Variants in MYH16 observed in about 807,000 individuals in gnomAD.
MYH16 encodes myosin heavy chain 16.
chr7:99,285,043 G>T, intron 26 of MYH16, 108 bp downstream of exon 8: 1 of 436,548 alleles, frequency 2.3e-6, no homozygotes, highest in Non-Finnish European at 4.6e-6. Context: ...GAGCAAGACT[G>T]CCATAGAGTC....
At chr7:99,310,423 C>T (rs1418239002), downstream of MYH16, among the ~76,000 whole-genome samples, 1 of 152,224 alleles carries the variant, frequency 6.6e-6, no homozygotes, top group Non-Finnish European at 1.5e-5. Flanking sequence ...AATAGCAAAA[C>T]CCCTTGTGAC....
At chr7:99,298,040 T>A (rs1399644310) in intron 36 of MYH16, 45 bp downstream of exon 17, 2 of 454,886 alleles carry the variant, frequency 4.4e-6, no homozygotes, top group African/African-American at 4.0e-5. Flanking sequence ...GGAAGTGTGA[T>A]GGAGCAGAGT....
At chr7:99,303,095 C>G (rs1216321676) in exon 39 of MYH16, 2 of 152,834 alleles carry the variant, frequency 1.3e-5, no homozygotes, top group Non-Finnish European at 1.5e-5. Flanking sequence ...CAAACGCAAG[C>G]TGGAGTCAGA....
chr7:99,275,313 G>A (rs954956635), intron 20 of MYH16, among the ~76,000 whole-genome samples: 3 of 152,066 alleles, frequency 2.0e-5, no homozygotes, highest in Admixed American at 6.6e-5. Flanking sequence ...TAAATTTTTT[G>A]TAGAGACAGC....
At chr7:99,280,894 C>T (rs1388092973) in exon 23 of MYH16, 5 of 413,818 alleles carry the variant, frequency 1.2e-5, no homozygotes, top group East Asian at 9.1e-5. Flanking sequence ...TCACAAGGTC[C>T]GTACCCTGAC....
intron 14 of MYH16, among the ~76,000 whole-genome samples, chr7:99,263,916 C>T (rs755284509): frequency 2.6e-5 from 4 of 152,198 alleles, no homozygotes; most frequent in African/African-American, 9.7e-5. Context: ...ACCAGTCTCC[C>T]TGGTCTCACC....
chr7:99,303,272 C>G (rs1356246869), intron 39 of MYH16, 82 bp downstream of exon 20: 1 of 152,442 alleles, frequency 6.6e-6, no homozygotes, highest in Non-Finnish European at 1.5e-5. Context: ...GGAAGGCCAC[C>G]TCCTCCCATC....
exon 1 of MYH16, chr7:99,238,933 C>T (rs1311730552): frequency 1.3e-5 from 2 of 152,796 alleles, no homozygotes; most frequent in African/African-American, 4.8e-5. Flanking sequence ...AGCCCTATGA[C>T]ATTAAGAGGT....
At chr7:99,246,559 G>A (rs573000376) in intron 2 of MYH16, among the ~76,000 whole-genome samples, 19 of 152,176 alleles carry the variant, frequency 1.2e-4, no homozygotes, top group Admixed American at 4.6e-4. Flanking sequence ...AAAATTAGCC[G>A]GGCGTGGTGG....
exon 23 of MYH16, chr7:99,280,970 A>G: frequency 2.5e-6 from 1 of 408,016 alleles, no homozygotes; most frequent in East Asian, 9.6e-5. Flanking sequence ...GCCCTAGAGG[A>G]GCTGCACCAG....
chr7:99,278,528 G>T (rs1792150343), intron 21 of MYH16, among the ~76,000 whole-genome samples: 1 of 152,194 alleles, frequency 6.6e-6, no homozygotes, highest in Non-Finnish European at 1.5e-5. Flanking sequence ...CTTCTGGTTT[G>T]CAAAGCTTTT....
intron 24 of MYH16, 108 bp downstream of exon 6, chr7:99,283,759 C>T (rs2074652): frequency 0.091 from 39,836 of 436,078 alleles, 3,529 homozygotes; most frequent in East Asian, 0.3. Context: ...TCCCCCGGGG[C>T]GTGAGGGCCC....
At chr7:99,255,464 G>A (rs1791859736) in intron 8 of MYH16, 1 of 123,672 alleles carries the variant, frequency 8.1e-6, no homozygotes. Flanking sequence ...GAGAGAGAGA[G>A]AAAGAGGAAG....
exon 41 of MYH16, chr7:99,305,859 G>C (rs980863386): frequency 6.5e-6 from 1 of 152,868 alleles, no homozygotes; most frequent in African/African-American, 2.4e-5. Context: ...AGACAGAGCT[G>C]GATGGGGAAC....
chr7:99,300,375 C>G (rs545612390), intron 37 of MYH16, among the ~76,000 whole-genome samples: 25 of 152,298 alleles, frequency 1.6e-4, no homozygotes, highest in Non-Finnish European at 2.9e-4. Flanking sequence ...TAAACACAAA[C>G]AGAGCTGAAG....
chr7:99,299,275 A>T (rs923574859), intron 36 of MYH16, 191 bp from the exon 18 acceptor site: 2 of 152,046 alleles, frequency 1.3e-5, no homozygotes, highest in African/African-American at 4.8e-5. Flanking sequence ...TAAAACAACA[A>T]AATGACCTTC....
intron 2 of MYH16, among the ~76,000 whole-genome samples, chr7:99,245,689 A>C (rs1791721066): frequency 6.6e-6 from 1 of 151,992 alleles, no homozygotes; most frequent in Non-Finnish European, 1.5e-5. Context: ...TACCACGCCC[A>C]GCTAATTTTT....
At chr7:99,280,622 G>A (rs899360636) in intron 22 of MYH16, among the ~76,000 whole-genome samples, 25 of 152,310 alleles carry the variant, frequency 1.6e-4, no homozygotes, top group East Asian at 1.2e-3. Flanking sequence ...AGACTCTGGC[G>A]AGTCTGGTGG....
At chr7:99,279,451 C>A (rs1486270692) in intron 21 of MYH16, 59 bp from the exon 4 acceptor site, 3 of 440,948 alleles carry the variant, frequency 6.8e-6, no homozygotes, top group African/African-American at 6.1e-5. Context: ...GCTTGTCCAG[C>A]GTCTTGGTGT....
Sources: gnomAD v4.1 joint callset for allele counts (sites outside exome capture counted in the v4.1 genomes callset) on GRCh38, gnomAD v4.1.1 for gene constraint, MANE v1.5 for transcripts, NCBI Gene and HGNC (gene_info 2026-07-23, HGNC 2026-07-21) for gene names.